Variants in RCAN2 observed in about 807,000 individuals in gnomAD.
The protein encoded by RCAN2 is calcipressin-2.
A neutral mutation model predicts 23.6 loss-of-function variants in RCAN2; 9 were observed. The ratio of observed to expected loss-of-function variants is 0.38; its 90% CI spans 0.23 to 0.67. RCAN2 has a LOEUF of 0.67. Among genes scored for constraint, RCAN2 ranks in the 30% least tolerant of loss-of-function variants. RCAN2 has a pLI of 0.51. For synonymous variants in RCAN2, 109 were observed against 115.7 expected, an observed-to-expected ratio of 0.94 and a Z score of 0.37; for missense variants, 273 against 302.3, an observed-to-expected ratio of 0.90 and a Z score of 0.72.
At chr6:46,329,664 G>C (rs758359395) in intron 2 of RCAN2, among the ~76,000 whole-genome samples, 1 of 152,132 alleles carries the variant, frequency 6.6e-6, no homozygotes, top group South Asian at 2.1e-4. Context: ...GGTGAGTTCG[G>C]TGATAACCTC....
chr6:46,481,767 G>C (rs1297699601), intron 1 of RCAN2, among the ~76,000 whole-genome samples: 1 of 83,776 alleles, frequency 1.2e-5, no homozygotes, highest in Non-Finnish European at 2.6e-5. Flanking sequence ...AAGTCAATTT[G>C]CAACTAGGAA....
At chr6:46,247,519 T>A (rs1431189994) in intron 3 of RCAN2, among the ~76,000 whole-genome samples, 1 of 152,214 alleles carries the variant, frequency 6.6e-6, no homozygotes, top group Non-Finnish European at 1.5e-5. Context: ...TGTCTCCCAC[T>A]GGTCACTGGC....
chr6:46,479,041 A>G (rs1248636962), intron 1 of RCAN2, among the ~76,000 whole-genome samples: 2 of 152,232 alleles, frequency 1.3e-5, no homozygotes, highest in Non-Finnish European at 2.9e-5. Context: ...AGCAATGGAG[A>G]GTTCCACCCA....
chr6:46,380,809 T>C (rs527740323), intron 2 of RCAN2, among the ~76,000 whole-genome samples: 1 of 152,182 alleles, frequency 6.6e-6, no homozygotes, highest in African/African-American at 2.4e-5. Flanking sequence ...TGTAAAGAGA[T>C]AACGCATGTA....
intron 2 of RCAN2, among the ~76,000 whole-genome samples, chr6:46,421,397 C>T (rs1766887114): frequency 6.6e-6 from 1 of 151,964 alleles, no homozygotes; most frequent in Non-Finnish European, 1.5e-5. Flanking sequence ...AGGAAAGAGA[C>T]AAAAACGCCA....
At chr6:46,238,577 C>A (rs1766189449) in intron 4 of RCAN2, among the ~76,000 whole-genome samples, 1 of 152,160 alleles carries the variant, frequency 6.6e-6, no homozygotes, top group African/African-American at 2.4e-5. Flanking sequence ...GAGACAGGAA[C>A]TCACTTTGCT....
intron 2 of RCAN2, among the ~76,000 whole-genome samples, chr6:46,369,498 A>G (rs932000788): frequency 6.6e-6 from 1 of 152,238 alleles, no homozygotes; most frequent in Non-Finnish European, 1.5e-5. Context: ...AATACCTTGC[A>G]TCACAACGTT....
chr6:46,332,128 A>G (rs1227313378), intron 2 of RCAN2, among the ~76,000 whole-genome samples: 1 of 152,172 alleles, frequency 6.6e-6, no homozygotes, highest in African/African-American at 2.4e-5. Flanking sequence ...TTGATGCCTA[A>G]TGATTGTTTT....
chr6:46,314,892 C>T (rs779470466), intron 2 of RCAN2, among the ~76,000 whole-genome samples: 51 of 152,210 alleles, frequency 3.4e-4, no homozygotes, highest in Middle Eastern at 3.4e-3. Context: ...AAAACCCTGT[C>T]GCTACAAAAA....
intron 2 of RCAN2, among the ~76,000 whole-genome samples, chr6:46,278,726 G>C (rs1767798230): frequency 6.6e-6 from 1 of 152,150 alleles, no homozygotes; most frequent in Non-Finnish European, 1.5e-5. Flanking sequence ...GTATTGTACA[G>C]GCCAGGTATT....
chr6:46,221,106 T>C lies in RCAN2; in HGVS notation c.*2035A>G, dbSNP rs1032241627. On this transcript the variant is annotated 3_prime_UTR_variant, in exon 5 of 5. Transcript: ENST00000371374. Reference sequence around the variant, plus strand: ...ACTCCAGAGGCCATACACTTCATTGTGTTTCTTTTATGACTACACAGAATG... The same window carrying C: ...ACTCCAGAGGCCATACACTTCATTGCGTTTCTTTTATGACTACACAGAATG... The C allele has an allele frequency of 1.1e-4, 17 of 152,520 alleles. No homozygotes were observed. Among genetic ancestry groups the C allele is most frequent in the Admixed American group, 9.8e-4 (15 of 15,282 alleles). 9.4% of individuals were successfully genotyped at this position (152,520 alleles called of 1,614,324 possible). A position where few individuals can be genotyped will look rare whatever the true frequency, so the allele number is the denominator to read the frequency against.
At position 46,458,945 on chromosome 6, in the gene RCAN2, G is replaced by A. The variant is rs554551643; in HGVS notation, c.-2-1967C>T. Among the ~76,000 whole-genome samples, 146 of 152,362 alleles carry A rather than the reference G, an allele frequency of 9.6e-4. 1 individual carries two copies. The highest frequency in any genetic ancestry group is 3.1e-3 in the African/African-American group (129 of 41,578). On this transcript the variant is annotated intron_variant, in intron 1 of 4. Transcript: ENST00000371374. ...TTGCTCTTGTCGCCCAGGCTGGAGCGCAATGGCGCAATCTTGGCTCACTGC... is the reference window on the plus strand; with the variant it reads ...TTGCTCTTGTCGCCCAGGCTGGAGCACAATGGCGCAATCTTGGCTCACTGC...
At chr6:46,379,684 G>T (rs1360129823) in intron 2 of RCAN2, among the ~76,000 whole-genome samples, 1 of 152,104 alleles carries the variant, frequency 6.6e-6, no homozygotes, top group Non-Finnish European at 1.5e-5. Context: ...AAAATACTAA[G>T]CTCTCTTCTC....
intron 2 of RCAN2, among the ~76,000 whole-genome samples, chr6:46,349,508 C>G (rs1235317817): frequency 6.6e-6 from 1 of 151,846 alleles, no homozygotes; most frequent in African/African-American, 2.4e-5. Context: ...AGCAAACCAC[C>G]ATTCCACACG....
intron 4 of RCAN2, among the ~76,000 whole-genome samples, chr6:46,226,157 G>C (rs1765657082): frequency 6.6e-6 from 1 of 152,074 alleles, no homozygotes; most frequent in South Asian, 2.1e-4. Flanking sequence ...CTCCATTTTG[G>C]TACCAGTACC....
chr6:46,294,392 GC>G (rs1367565751), intron 2 of RCAN2, among the ~76,000 whole-genome samples: 1 of 152,030 alleles, frequency 6.6e-6, no homozygotes, highest in African/African-American at 2.4e-5. Flanking sequence ...TTTCTGGAAA[GC>G]AATTGGTAAA....
At chr6:46,284,322 G>A (rs1237334450) in intron 2 of RCAN2, among the ~76,000 whole-genome samples, 1 of 152,142 alleles carries the variant, frequency 6.6e-6, no homozygotes, top group Non-Finnish European at 1.5e-5. Flanking sequence ...GTGACTCCAG[G>A]GATGTGGGGG....
At chr6:46,470,175 G>A (rs1768519110) in intron 1 of RCAN2, among the ~76,000 whole-genome samples, 1 of 152,134 alleles carries the variant, frequency 6.6e-6, no homozygotes, top group Admixed American at 6.5e-5. Flanking sequence ...CACCATGATA[G>A]TCAAGACAAT....
intron 2 of RCAN2, among the ~76,000 whole-genome samples, chr6:46,418,205 C>T (rs1766766258): frequency 6.6e-6 from 1 of 152,060 alleles, no homozygotes; most frequent in Admixed American, 6.5e-5. Flanking sequence ...CAGAGACAAA[C>T]AACCTGAATT....
Sources: gnomAD v4.1 joint callset for allele counts (sites outside exome capture counted in the v4.1 genomes callset) on GRCh38, gnomAD v4.1.1 for gene constraint, MANE v1.5 for transcripts, NCBI Gene and HGNC (gene_info 2026-07-23, HGNC 2026-07-21) for gene names.